Variants in CCDC34 observed in about 807,000 individuals in gnomAD.
The protein encoded by CCDC34 is coiled-coil domain-containing protein 34.
In CCDC34, 40 loss-of-function variants were observed where a neutral mutation model predicts 44.1. The ratio of observed to expected loss-of-function variants is 0.91; its 90% CI spans 0.70 to 1.18. The LOEUF (loss-of-function observed/expected upper bound fraction) is 1.18. CCDC34 is among the 50% of genes most tolerant of loss of function. The pLI is 0.00. For missense variants in CCDC34, 466 were observed against 452.3 expected, an observed-to-expected ratio of 1.03 and a Z score of -0.28; for synonymous variants, 159 against 158.2, an observed-to-expected ratio of 1.01 and a Z score of -0.04.
rs747901021 is a variant in CCDC34, at chr11:27,357,432, GTTC to G, written c.466_468del (p.Glu156del). ...AGAGCTTTCAGTTGCAGCCGGTCAC[GTTC>G]TTCTTTTTCTTTGCCAATAAACCAC... On this transcript the variant is annotated inframe_deletion, in exon 2 of 6. Coordinates refer to ENST00000328697, the MANE Select transcript of CCDC34 (RefSeq NM_030771.2). The G allele has an allele frequency of 6.2e-7, 1 of 1,613,906 alleles. No individual in the cohort carries two copies. The highest frequency in any genetic ancestry group is 8.5e-7 in the Non-Finnish European group (1 of 1,179,880).
rs1862491067 is a variant in CCDC34 at position 27,350,381 on chromosome 11, ATCTT to A, written c.553_556del (p.Lys185Ter). On this transcript the variant is annotated frameshift_variant, in exon 3 of 6. Transcript: ENST00000328697. LOFTEE classifies it high-confidence loss of function. ...TTCCTTGTGCTTTTCTTCAGCAATT[ATCTT>A]TCTTTTTTCACGTTCTTCCATTTCT... 1.9e-6 allele frequency: 3 copies of A among 1,613,216 alleles called. No individual in the cohort carries two copies. Among genetic ancestry groups the A allele is most frequent in the African/African-American group, 1.3e-5 (1 of 74,888 alleles).
intron 3 of CCDC34, chr11:27,350,062 A>T: frequency 7.8e-7 from 1 of 1,289,176 alleles, no homozygotes; most frequent in Non-Finnish European, 9.8e-7. Flanking sequence ...TGCCATAAGG[A>T]TCCAAAAGGT....
At chr11:27,343,698 C>G (rs765260509) in intron 3 of CCDC34, among the ~76,000 whole-genome samples, 1 of 152,186 alleles carries the variant, frequency 6.6e-6, no homozygotes, top group Admixed American at 6.5e-5. Flanking sequence ...TAGCAGCTGA[C>G]ATTTATTGAG....
chr11:27,349,673 T>C (rs1862478164), intron 3 of CCDC34: 1 of 982,818 alleles, frequency 1.0e-6, no homozygotes, highest in Admixed American at 6.2e-5. Context: ...GAAGAATATA[T>C]TAAAATTAAA....
At chr11:27,345,716 T>C (rs1341574989) in intron 3 of CCDC34, among the ~76,000 whole-genome samples, 1 of 152,198 alleles carries the variant, frequency 6.6e-6, no homozygotes, top group Admixed American at 6.5e-5. Flanking sequence ...TCCAAGTCTT[T>C]GCTATTGTGA....
At chr11:27,355,769 G>C (rs1451870065) in intron 2 of CCDC34, among the ~76,000 whole-genome samples, 2 of 152,104 alleles carry the variant, frequency 1.3e-5, no homozygotes, top group Non-Finnish European at 2.9e-5. Flanking sequence ...GTACTGTCAA[G>C]AGGAAATAAG....
chr11:27,346,777 T>C (rs1862440822), intron 3 of CCDC34, among the ~76,000 whole-genome samples: 1 of 152,138 alleles, frequency 6.6e-6, no homozygotes, highest in African/African-American at 2.4e-5. Context: ...TCCCTAATCC[T>C]CAATGTGACT....
chr11:27,339,962 A>T (rs1371935383), intron 5 of CCDC34, among the ~76,000 whole-genome samples: 2 of 152,078 alleles, frequency 1.3e-5, no homozygotes, highest in Admixed American at 6.6e-5. Context: ...GGACATGCTC[A>T]GTAGCTAAAA....
At chr11:27,351,510 T>TATA (rs1321789089) in intron 2 of CCDC34, among the ~76,000 whole-genome samples, 1 of 152,192 alleles carries the variant, frequency 6.6e-6, no homozygotes, top group Non-Finnish European at 1.5e-5. Context: ...TTTTAAACAC[T>TATA]ATACCCCCAA....
At chr11:27,358,958 A>ACCCCCCCCCCCCCC (rs71050907) in intron 1 of CCDC34, among the ~76,000 whole-genome samples, 17 of 88,174 alleles carry the variant, frequency 1.9e-4, no homozygotes, top group South Asian at 5.8e-4. Context: ...CAACATGTGG[A>ACCCCCCCCCCCCCC]CCCCCCCCCC....
chr11:27,362,676 G>A (rs1190892637), intron 1 of CCDC34, among the ~76,000 whole-genome samples, 160 bp downstream of exon 1: 1 of 148,542 alleles, frequency 6.7e-6, no homozygotes, highest in Non-Finnish European at 1.5e-5. Context: ...GCAAGAATTT[G>A]CACAGGGCTC....
At chr11:27,345,090 G>A (rs1201439309) in intron 3 of CCDC34, among the ~76,000 whole-genome samples, 3 of 152,102 alleles carry the variant, frequency 2.0e-5, no homozygotes, top group Non-Finnish European at 4.4e-5. Flanking sequence ...GTTTAATAGG[G>A]AAAAGATTAT....
At chr11:27,339,514 T>G (rs140670755) in intron 5 of CCDC34, among the ~76,000 whole-genome samples, 4 of 152,166 alleles carry the variant, frequency 2.6e-5, no homozygotes, top group African/African-American at 9.6e-5. Context: ...TCAGTGTCAA[T>G]AAGATTTCAC....
At chr11:27,343,401 CAA>C (rs34004808) in intron 3 of CCDC34, among the ~76,000 whole-genome samples, 6 of 110,718 alleles carry the variant, frequency 5.4e-5, no homozygotes, top group Non-Finnish European at 7.5e-5. Flanking sequence ...GACTCCGTCT[CAA>C]AAAAAAAAAA....
In CCDC34 at chr11:27,338,545, A is replaced by C; in HGVS notation, c.*276T>G. 2.7e-6 allele frequency: 1 copy of C among 372,200 alleles called. No homozygotes were observed. Among genetic ancestry groups the C allele is most frequent in the Non-Finnish European group, 4.8e-6 (1 of 207,788 alleles). The allele number at this position is 372,200 out of a possible 1,614,324, so 23.1% of individuals were successfully genotyped here. A position where few individuals can be genotyped will look rare whatever the true frequency, so the allele number is the denominator to read the frequency against. ...AAATTGTTAGTTTTATTGGTATTAC[A>C]GTGTACTTTTAATACAAGCTAAATA... is the stretch of plus-strand genomic sequence containing the variant. On this transcript the variant is annotated 3_prime_UTR_variant, in exon 6 of 6. Transcript: ENST00000328697.
intron 2 of CCDC34, among the ~76,000 whole-genome samples, chr11:27,352,202 G>A (rs780722738): frequency 1.1e-4 from 16 of 152,034 alleles, no homozygotes; most frequent in East Asian, 1.9e-4. Flanking sequence ...GGGCAAAATC[G>A]TAAAACCCTG....
chr11:27,343,195 G>A (rs1862385223), intron 3 of CCDC34, among the ~76,000 whole-genome samples: 1 of 152,128 alleles, frequency 6.6e-6, no homozygotes, highest in Admixed American at 6.5e-5. Context: ...GAGGTCAGGA[G>A]TTCGAGACCA....
At chr11:27,353,262 C>G (rs1056576510) in intron 2 of CCDC34, among the ~76,000 whole-genome samples, 2 of 150,930 alleles carry the variant, frequency 1.3e-5, no homozygotes, top group African/African-American at 2.4e-5. Context: ...CCTATTCGTT[C>G]GTTAAGGGCT....
At chr11:27,361,361 A>G (rs1460785278) in intron 1 of CCDC34, among the ~76,000 whole-genome samples, 2 of 152,234 alleles carry the variant, frequency 1.3e-5, no homozygotes, top group Non-Finnish European at 2.9e-5. Flanking sequence ...ATGGTCATTT[A>G]TTCCGCAGGT....
Sources: gnomAD v4.1 joint callset for allele counts (sites outside exome capture counted in the v4.1 genomes callset) on GRCh38, gnomAD v4.1.1 for gene constraint, MANE v1.5 for transcripts, NCBI Gene and HGNC (gene_info 2026-07-23, HGNC 2026-07-21) for gene names.